Variants in RFT1 observed in about 807,000 individuals in gnomAD.
The protein encoded by RFT1 is man(5)GlcNAc(2)-PP-dolichol translocation protein RFT1.
Under a neutral mutation model 62.2 loss-of-function variants are expected in RFT1, and 43 were observed. That is an observed-to-expected ratio of 0.69 (90% CI 0.54 to 0.89). RFT1 has a LOEUF of 0.89. Among genes scored for constraint, RFT1 ranks in the 40% least tolerant of loss-of-function variants. The pLI is 0.00. For synonymous variants in RFT1, 262 were observed against 264.6 expected (o/e 0.99, Z 0.10); for missense variants, 605 against 649.9 (o/e 0.93, Z 0.75).
At chr3:53,106,966 T>G (rs1271201631) in intron 7 of RFT1, 97 bp from the exon 8 acceptor site, 1 of 886,982 alleles carries the variant, frequency 1.1e-6, no homozygotes, top group African/African-American at 1.7e-5. Flanking sequence ...AGCTGACAAA[T>G]AAAGGAGAAA....
At chr3:53,080,289 T>C in the RFT1 span, among the ~76,000 whole-genome samples, 1 of 152,172 alleles carries the variant, frequency 6.6e-6, no homozygotes, top group Non-Finnish European at 1.5e-5. Flanking sequence ...CTGGCAGCCA[T>C]GGCGTTTCTT....
chr3:53,096,758 A>AT (rs1701153478), intron 11 of RFT1, among the ~76,000 whole-genome samples: 1 of 151,984 alleles, frequency 6.6e-6, no homozygotes, highest in Non-Finnish European at 1.5e-5. Flanking sequence ...CTCTCTATAT[A>AT]TTTTTTGAGA....
In RFT1 at chr3:53,093,006, C is replaced by A. The variant is rs116429945; in HGVS notation, c.1209-388G>T. 8.8e-3 allele frequency among the ~76,000 whole-genome samples: 1,345 copies of A among 152,258 alleles called. 16 individuals carry two copies. The highest frequency in any genetic ancestry group is 0.031 in the African/African-American group (1,283 of 41,526). On this transcript the variant is annotated intron_variant, in intron 11 of 12. Coordinates refer to ENST00000296292, the MANE Select transcript of RFT1 (RefSeq NM_052859.4). ...TGCTGGGGACACACTGGAGAATGAACACACATGGGCCTTGCCCTGCAGAGC... is the reference window on the plus strand; with the variant it reads ...TGCTGGGGACACACTGGAGAATGAAAACACATGGGCCTTGCCCTGCAGAGC...
chr3:53,124,937 A>C (rs187813206), intron 2 of RFT1, among the ~76,000 whole-genome samples: 43 of 152,332 alleles, frequency 2.8e-4, no homozygotes, highest in Admixed American at 2.3e-3. Flanking sequence ...GCGCCACTGA[A>C]CACCAGCCTG....
intron 8 of RFT1, 97 bp from the exon 9 acceptor site, chr3:53,105,900 G>T: frequency 8.5e-7 from 1 of 1,176,360 alleles, no homozygotes; most frequent in Non-Finnish European, 1.2e-6. Flanking sequence ...ATTAAAGTTT[G>T]TTTATCTTGA....
intron 7 of RFT1, among the ~76,000 whole-genome samples, chr3:53,109,994 T>A (rs1559590585): frequency 6.6e-6 from 1 of 152,092 alleles, no homozygotes; most frequent in Non-Finnish European, 1.5e-5. Context: ...GGAGTCAGGC[T>A]AGGGGGATCC....
At chr3:53,110,111 T>C (rs1701605128) in intron 7 of RFT1, among the ~76,000 whole-genome samples, 1 of 152,200 alleles carries the variant, frequency 6.6e-6, no homozygotes, top group Admixed American at 6.5e-5. Context: ...AGACATGTGT[T>C]GTCTGCAATC....
intron 5 of RFT1, 70 bp from the exon 6 acceptor site, chr3:53,120,091 C>G (rs1701927110): frequency 7.4e-7 from 1 of 1,344,066 alleles, no homozygotes; most frequent in African/African-American, 1.5e-5. Flanking sequence ...ATCTCAAAGG[C>G]CAGTCAAGTA....
chr3:53,082,203 G>A, the RFT1 span, among the ~76,000 whole-genome samples: 1 of 152,070 alleles, frequency 6.6e-6, no homozygotes, highest in Non-Finnish European at 1.5e-5. Context: ...TTGGCCAGCC[G>A]TGGTGGCTCA....
chr3:53,116,782 T>C (rs1701819501), intron 6 of RFT1, among the ~76,000 whole-genome samples: 1 of 152,100 alleles, frequency 6.6e-6, no homozygotes, highest in African/African-American at 2.4e-5. Flanking sequence ...TTTTGTATTT[T>C]TAGTAGAGAC....
chr3:53,116,180 C>A (rs780398125), intron 6 of RFT1, among the ~76,000 whole-genome samples: 51 of 152,260 alleles, frequency 3.3e-4, no homozygotes, highest in Non-Finnish European at 6.0e-4. Flanking sequence ...ATTTGACCAG[C>A]TTCCATTAAG....
Position 53,121,792 on chromosome 3 carries a change from T to G in RFT1, c.465A>C (p.Ala155=), listed in dbSNP as rs886058727. 3.1e-6 allele frequency: 5 copies of G among 1,612,558 alleles called. No individual in the cohort carries two copies. Among genetic ancestry groups the G allele is most frequent in the Non-Finnish European group, 4.2e-6 (5 of 1,179,206 alleles). ...AHMFVKLKVI[A]ESLSVILKSV... Reference sequence around the variant, plus strand: ...TCTTAAGAATTACCGACAGGCTCTCTGCAATCACCTGCAAACATGTGGTTA... The same window carrying G: ...TCTTAAGAATTACCGACAGGCTCTCGGCAATCACCTGCAAACATGTGGTTA... The change falls in exon 5 of 13, where the codon GCA becomes GCC. Residue 155 remains alanine, a synonymous_variant. Transcript: ENST00000296292.
At chr3:53,113,797 C>T (rs1456654380) in intron 6 of RFT1, among the ~76,000 whole-genome samples, 2 of 152,186 alleles carry the variant, frequency 1.3e-5, no homozygotes, top group East Asian at 3.8e-4. Flanking sequence ...TCTATAGCCA[C>T]ATGTGGCTGG....
At chr3:53,126,190 T>A (rs1009732898) in intron 1 of RFT1, among the ~76,000 whole-genome samples, 196 bp from the exon 2 acceptor site, 9 of 152,172 alleles carry the variant, frequency 5.9e-5, no homozygotes, top group African/African-American at 2.2e-4. Context: ...CTCTCAGCAC[T>A]CCCGTGCAGT....
chr3:53,068,651 C>G, the RFT1 span, among the ~76,000 whole-genome samples: 1 of 152,224 alleles, frequency 6.6e-6, no homozygotes, highest in African/African-American at 2.4e-5. Flanking sequence ...CTGGCCCTGT[C>G]CCCTGCACTC....
chr3:53,115,320 C>T (rs1701761767), intron 6 of RFT1, among the ~76,000 whole-genome samples: 1 of 152,112 alleles, frequency 6.6e-6, no homozygotes, highest in Non-Finnish European at 1.5e-5. Context: ...GAAGTCCTGT[C>T]TCATGGAGCC....
intron 7 of RFT1, 136 bp downstream of exon 7, chr3:53,111,694 A>G (rs1229713548): frequency 2.7e-6 from 2 of 753,388 alleles, no homozygotes; most frequent in Non-Finnish European, 4.8e-6. Context: ...CTCCGTATTA[A>G]GCCCCCTCCT....
At chr3:53,093,027 A>T (rs1487609128) in intron 11 of RFT1, among the ~76,000 whole-genome samples, 1 of 152,206 alleles carries the variant, frequency 6.6e-6, no homozygotes, top group Non-Finnish European at 1.5e-5. Flanking sequence ...CTTGCCCTGC[A>T]GAGCTTGGAT....
chr3:53,102,705 G>A (rs1701352940), intron 10 of RFT1, among the ~76,000 whole-genome samples: 2 of 152,194 alleles, frequency 1.3e-5, no homozygotes, highest in South Asian at 4.1e-4. Flanking sequence ...TCCCACATCT[G>A]GAGATGGCCA....
Sources: allele counts gnomAD v4.1 joint callset (sites outside exome capture counted in the v4.1 genomes callset), GRCh38; gene constraint gnomAD v4.1.1; transcripts MANE v1.5; gene names NCBI Gene and HGNC (gene_info 2026-07-23, HGNC 2026-07-21).